CRB1: variants seen among roughly 807,000 people sequenced by gnomAD.
CRB1 encodes protein crumbs homolog 1.
A neutral mutation model predicts 120.0 loss-of-function variants in CRB1; 83 were observed. The ratio of observed to expected loss-of-function variants is 0.69; its 90% confidence interval spans 0.58 to 0.83. The LOEUF (loss-of-function observed/expected upper bound fraction) is 0.83. CRB1 is among the 40% of genes least tolerant of loss of function. CRB1 has a pLI of 0.00. For synonymous variants in CRB1, 625 were observed against 612.5 expected, an observed-to-expected ratio of 1.02 and a Z score of -0.30; for missense variants, 1,699 against 1,687.6, an observed-to-expected ratio of 1.01 and a Z score of -0.12.
the CRB1 span, among the ~76,000 whole-genome samples, chr1:197,254,166 G>A: frequency 6.6e-6 from 1 of 152,020 alleles, no homozygotes; most frequent in East Asian, 1.9e-4. Flanking sequence ...ACTTGTATTT[G>A]ATAGAAAGCT....
At chr1:197,234,636 T>A in the CRB1 span, among the ~76,000 whole-genome samples, 1 of 152,358 alleles carries the variant, frequency 6.6e-6, no homozygotes, top group East Asian at 1.9e-4. Context: ...GAAAATGACT[T>A]GCTCAGTTAT....
chr1:197,309,753 AAAATAAATAAATAAATAAAT>A lies in CRB1; in HGVS notation c.71-18644_71-18625del, dbSNP rs57529093. Among the ~76,000 whole-genome samples, 397 of 141,564 alleles carry A rather than the reference AAAATAAATAAATAAATAAAT, an allele frequency of 2.8e-3. 3 individuals are homozygous for A. Among genetic ancestry groups the A allele is most frequent in the African/African-American group, 9.8e-3 (378 of 38,706 alleles). The allele number at this position is 141,564 out of a possible 152,430, so 92.9% of individuals were successfully genotyped here. A position where few individuals can be genotyped will look rare whatever the true frequency, so the allele number is the denominator to read the frequency against. On this transcript the variant is annotated intron_variant, in intron 1 of 11. Transcript: ENST00000367400. ...TGATAACAGAGCAAGACTACATCTCAAAATAAATAAATAAATAAATAAATAAATAAATAAATAAATAAATT... is the reference window on the plus strand; with the variant it reads ...TGATAACAGAGCAAGACTACATCTCAAAATAAATAAATAAATAAATAAATT...
chr1:197,330,118 A>G (rs570211500), intron 2 of CRB1, among the ~76,000 whole-genome samples: 2 of 152,304 alleles, frequency 1.3e-5, no homozygotes, highest in African/African-American at 4.8e-5. Context: ...TATATTTTAT[A>G]AAATAGACAC....
the CRB1 span, among the ~76,000 whole-genome samples, chr1:197,207,608 T>TTCATGGGTTACCTGATACTTTTGCC: frequency 1.3e-5 from 2 of 152,202 alleles, no homozygotes; most frequent in Non-Finnish European, 2.9e-5. Flanking sequence ...TAGGTTTTCC[T>TTCATGGGTTACCTGATACTTTTGCC]TCATGGGTTA....
intron 1 of CRB1, among the ~76,000 whole-genome samples, chr1:197,306,098 A>C (rs988143371): frequency 1.3e-5 from 2 of 152,174 alleles, no homozygotes; most frequent in African/African-American, 4.8e-5. Flanking sequence ...GAATGTAAGC[A>C]GAGGAATAGG....
intron 11 of CRB1, among the ~76,000 whole-genome samples, chr1:197,452,520 G>T (rs1057278950): frequency 6.6e-6 from 1 of 151,520 alleles, no homozygotes; most frequent in Non-Finnish European, 1.5e-5. Flanking sequence ...TGAGATGAAG[G>T]GACCTTACAT....
intron 8 of CRB1, among the ~76,000 whole-genome samples, chr1:197,432,666 G>A (rs1009781298): frequency 6.6e-6 from 1 of 152,114 alleles, no homozygotes; most frequent in East Asian, 1.9e-4. Context: ...TAAAGCTTAT[G>A]TCCTAGTGCA....
intron 1 of CRB1, among the ~76,000 whole-genome samples, chr1:197,291,571 G>A (rs967315755): frequency 6.6e-6 from 1 of 151,710 alleles, no homozygotes; most frequent in Non-Finnish European, 1.5e-5. Context: ...TTGGATTTTA[G>A]TTCATGCTGT....
intron 5 of CRB1, among the ~76,000 whole-genome samples, chr1:197,362,671 T>C (rs1244854364): frequency 6.6e-6 from 1 of 152,160 alleles, no homozygotes; most frequent in African/African-American, 2.4e-5. Context: ...GTTCATTTGA[T>C]ATTGTTATAG....
At chr1:197,206,745 A>C in the CRB1 span, among the ~76,000 whole-genome samples, 10 of 152,126 alleles carry the variant, frequency 6.6e-5, no homozygotes, top group African/African-American at 2.4e-4. Context: ...AATATCTTTT[A>C]AGTCCATTTG....
rs531697380 is a variant in CRB1 at position 197,290,517 on chromosome 1, T to G, written c.70+22035T>G. Among the ~76,000 whole-genome samples, 61 of 151,676 alleles carry G rather than the reference T, an allele frequency of 4.0e-4. No homozygotes were observed. In the South Asian group the frequency reaches 0.012, roughly 31 times the overall value. On this transcript the variant is annotated intron_variant, in intron 1 of 11. Transcript: ENST00000367400. ...TTCACATCCCCCCAGCTCCTTTCCATGACCATTAAAAACCAAACTCTTGAT... is the reference window on the plus strand; with the variant it reads ...TTCACATCCCCCCAGCTCCTTTCCAGGACCATTAAAAACCAAACTCTTGAT...
At chr1:197,336,256 G>A (rs1237068952) in intron 2 of CRB1, among the ~76,000 whole-genome samples, 3 of 152,118 alleles carry the variant, frequency 2.0e-5, no homozygotes, top group Non-Finnish European at 4.4e-5. Context: ...GACATAATTC[G>A]AATTTCAGTC....
chr1:197,222,278 T>G, the CRB1 span: 39 of 597,856 alleles, frequency 6.5e-5, no homozygotes, highest in Admixed American at 7.4e-4. Flanking sequence ...GGAACGAGTT[T>G]AGTTCTTGGT....
intron 5 of CRB1, among the ~76,000 whole-genome samples, chr1:197,379,613 A>T (rs1443933050): frequency 6.7e-6 from 1 of 150,208 alleles, no homozygotes; most frequent in Non-Finnish European, 1.5e-5. Flanking sequence ...GCCAAAAAAA[A>T]AAAAAAAAAA....
At chr1:197,354,683 G>A (rs1299609087) in intron 4 of CRB1, among the ~76,000 whole-genome samples, 1 of 151,988 alleles carries the variant, frequency 6.6e-6, no homozygotes, top group Non-Finnish European at 1.5e-5. Context: ...AGTCAGTGTG[G>A]ACCCAAACAG....
chr1:197,204,450 T>G, the CRB1 span, among the ~76,000 whole-genome samples: 1 of 152,252 alleles, frequency 6.6e-6, no homozygotes, highest in African/African-American at 2.4e-5. Flanking sequence ...TATTATTTTT[T>G]GATTTTTTTA....
At chr1:197,238,985 G>A in the CRB1 span, among the ~76,000 whole-genome samples, 2 of 152,156 alleles carry the variant, frequency 1.3e-5, no homozygotes, top group African/African-American at 2.4e-5. Context: ...AGTCTTCTGC[G>A]TATTTATGTA....
chr1:197,230,219 T>C, the CRB1 span, among the ~76,000 whole-genome samples: 1 of 152,182 alleles, frequency 6.6e-6, no homozygotes, highest in African/African-American at 2.4e-5. Flanking sequence ...CTTAATCCAT[T>C]CAGATAATTG....
chr1:197,364,276 G>A (rs1660945880), intron 5 of CRB1, among the ~76,000 whole-genome samples: 2 of 152,122 alleles, frequency 1.3e-5, no homozygotes, highest in African/African-American at 4.8e-5. Context: ...TTGCCCTATA[G>A]GTAATAGATT....
Sources: allele counts gnomAD v4.1 joint callset (sites outside exome capture counted in the v4.1 genomes callset), GRCh38; gene constraint gnomAD v4.1.1; transcripts MANE v1.5; gene names NCBI Gene and HGNC (gene_info 2026-07-23, HGNC 2026-07-21).